BICRA: variants seen among roughly 807,000 people sequenced by gnomAD.
The protein encoded by BICRA is BRD4-interacting chromatin-remodeling complex-associated protein.
A neutral mutation model predicts 96.9 loss-of-function variants in BICRA; 31 were observed. That is an observed-to-expected ratio of 0.32 (90% CI 0.24 to 0.43). The LOEUF (loss-of-function observed/expected upper bound fraction) is 0.43. BICRA is among the 20% of genes least tolerant of loss of function. BICRA has a pLI of 1.00. For synonymous variants in BICRA, 1,350 were observed against 1,071.8 expected (o/e 1.26, Z -5.07); for missense variants, 2,283 against 2,190.3 (o/e 1.04, Z -0.84).
Position 47,701,288 on chromosome 19 carries a change from C to T in BICRA, c.3596-40C>T. ...CCTCCCAGCTCGGTCGGGGGGTCCTCATCCTAACCCCGCGGGTTTTCTTTG... is the reference window on the plus strand; with the variant it reads ...CCTCCCAGCTCGGTCGGGGGGTCCTTATCCTAACCCCGCGGGTTTTCTTTG... On this transcript the variant is annotated intron_variant, in intron 14 of 14. Coordinates refer to ENST00000594866, the MANE Select transcript of BICRA (RefSeq NM_001394372.1). This position sits in a 1 kb window ranked among gnomAD's most constrained non-coding sequence, Gnocchi z 5.4. 1.3e-6 allele frequency: 2 copies of T among 1,495,372 alleles called. No homozygotes were observed. Among genetic ancestry groups the T allele is most frequent in the South Asian group, 1.1e-5 (1 of 87,784 alleles). The allele number at this position is 1,495,372 out of a possible 1,614,324, so 92.6% of individuals were successfully genotyped here.
At chr19:47,645,457 G>A (rs1972445363) in intron 1 of BICRA, among the ~76,000 whole-genome samples, 1 of 152,062 alleles carries the variant, frequency 6.6e-6, no homozygotes, top group Non-Finnish European at 1.5e-5. Flanking sequence ...TCCTTGTTCT[G>A]GCAGGTGGTG....
intron 1 of BICRA, among the ~76,000 whole-genome samples, chr19:47,648,277 C>T (rs1956282234): frequency 6.6e-6 from 1 of 152,116 alleles, no homozygotes; most frequent in East Asian, 1.9e-4. Flanking sequence ...CTCCAGCTGA[C>T]CAATCCCTGG....
chr19:47,670,113 C>T (rs1972841973), intron 1 of BICRA, among the ~76,000 whole-genome samples: 1 of 151,814 alleles, frequency 6.6e-6, no homozygotes, highest in South Asian at 2.1e-4. Context: ...CCATGCCCAG[C>T]CAAAAAACTT....
In BICRA at chr19:47,699,228, G is replaced by C. The variant is rs1226981119; in HGVS notation, c.3493-75G>C. ...CACAAGGACAGTTTGGACCTTGCAC[G>C]CATCGTCCCCGTCGCTCGCGCCCCT... On this transcript the variant is annotated intron_variant, in intron 13 of 14. Transcript: ENST00000594866. The surrounding 1 kb of genome is among the most constrained non-coding windows in gnomAD (Gnocchi z 5.0). The C allele has an allele frequency of 2.2e-6, 2 of 915,932 alleles. No individual in the cohort carries two copies. Among genetic ancestry groups the C allele is most frequent in the Non-Finnish European group, 3.5e-6 (2 of 569,608 alleles). The allele number at this position is 915,932 out of a possible 1,614,324, so 56.7% of individuals were successfully genotyped here.
chr19:47,622,158 G>T (rs969593982), intron 1 of BICRA, among the ~76,000 whole-genome samples: 1 of 151,694 alleles, frequency 6.6e-6, no homozygotes, highest in Non-Finnish European at 1.5e-5. Flanking sequence ...GTAGAGACAG[G>T]TTTCACTATG....
chr19:47,698,480 C>T lies in BICRA; in HGVS notation c.3249-154C>T, dbSNP rs186510710. Among the ~76,000 whole-genome samples, 104 of 152,296 alleles carry T rather than the reference C, an allele frequency of 6.8e-4. No homozygotes were observed. The highest frequency in any genetic ancestry group is 2.3e-3 in the African/African-American group (97 of 41,556). On this transcript the variant is annotated intron_variant, in intron 11 of 14. Transcript: ENST00000594866. The surrounding 1 kb of genome is among the most constrained non-coding windows in gnomAD (Gnocchi z 4.8). ...GGGACTCAGTGAGATGGAACAAGCA[C>T]GTTCAGTACATGGGAACACCACTGC...
Position 47,681,253 on chromosome 19 carries a change from T to A in BICRA, c.2083T>A (p.Ser695Thr). Residue 695 changes from serine (S) to threonine (T), a missense_variant, in exon 6 of 15, where the codon TCC becomes ACC. Physicochemically the swap from Ser to Thr is moderately conservative, Grantham distance 58. Transcript: ENST00000594866. ...ATPTAILTQD[S>T]LQMFLPQERS... ...CCCCACGGCCATCCTCACTCAGGAC[T>A]CCCTGCAGATGTTCCTGCCCCAGGT... 2 of 1,539,316 alleles carry A rather than the reference T, an allele frequency of 1.3e-6. No individual in the cohort carries two copies. Among genetic ancestry groups the A allele is most frequent in the East Asian group, 2.4e-5 (1 of 41,372 alleles).
intron 1 of BICRA, among the ~76,000 whole-genome samples, chr19:47,652,225 A>G (rs968704157): frequency 6.6e-6 from 1 of 152,128 alleles, no homozygotes; most frequent in Admixed American, 6.6e-5. Flanking sequence ...AGACAAGGTC[A>G]CCCAGGCTGG....
intron 7 of BICRA, among the ~76,000 whole-genome samples, chr19:47,689,504 G>A (rs573439458): frequency 1.3e-5 from 2 of 152,168 alleles, no homozygotes; most frequent in South Asian, 2.1e-4. Context: ...TACGCCTGCT[G>A]GGTTCAAGCA....
chr19:47,640,895 ATTTTT>A (rs35232398), intron 1 of BICRA, among the ~76,000 whole-genome samples: 1 of 95,226 alleles, frequency 1.1e-5, no homozygotes, highest in African/African-American at 4.4e-5. Context: ...TCAGAGTCAG[ATTTTT>A]TTTTTTTTTT....
At chr19:47,651,420 G>C (rs1351017716) in intron 1 of BICRA, among the ~76,000 whole-genome samples, 2 of 152,014 alleles carry the variant, frequency 1.3e-5, no homozygotes, top group East Asian at 3.9e-4. Context: ...CCACATTGCT[G>C]CTCCCCTTAC....
intron 1 of BICRA, among the ~76,000 whole-genome samples, chr19:47,656,767 A>C (rs950375834): frequency 6.6e-6 from 1 of 152,148 alleles, no homozygotes; most frequent in Non-Finnish European, 1.5e-5. Flanking sequence ...AGGCTCCCTT[A>C]TAGCCTTTCC....
At position 47,680,544 on chromosome 19, in the gene BICRA, C is replaced by T. The variant is rs1406035769; in HGVS notation, c.1374C>T (p.Ile458=). The part of the protein sequence containing the change: ...SVHLLNQGSS[I]VIPAQHMLPG... Reference sequence around the variant, plus strand: ...ACCTCCTGAACCAAGGCAGCAGCATCGTCATCCCCGCCCAGCACATGCTGC... The same window carrying T: ...ACCTCCTGAACCAAGGCAGCAGCATTGTCATCCCCGCCCAGCACATGCTGC... Residue 458 remains isoleucine, a synonymous_variant, in exon 6 of 15, where the codon ATC becomes ATT. Coordinates refer to ENST00000594866, the MANE Select transcript of BICRA (RefSeq NM_001394372.1). The T allele has an allele frequency of 6.4e-7, 1 of 1,572,022 alleles. No individual in the cohort carries two copies. Among genetic ancestry groups the T allele is most frequent in the African/African-American group, 1.4e-5 (1 of 73,946 alleles).
chr19:47,680,004 C>A lies in BICRA; in HGVS notation c.834C>A (p.Ala278=). The change falls in exon 6 of 15, where the codon GCC becomes GCA. Residue 278 remains alanine, a synonymous_variant. Transcript: ENST00000594866. ...CGGAGCCCGTGACGCTGGCGTCGGC[C>A]GGTGTCTCGCCACAGGGGGCTGGCC... ...GPSEPVTLAS[A]GVSPQGAGLV... 1.3e-6 allele frequency: 2 copies of A among 1,492,722 alleles called. No homozygotes were observed. The highest frequency in any genetic ancestry group is 1.3e-5 in the South Asian group (1 of 77,194). The allele number at this position is 1,492,722 out of a possible 1,614,324, so 92.5% of individuals were successfully genotyped here. A position where few individuals can be genotyped will look rare whatever the true frequency, so the allele number is the denominator to read the frequency against.
chr19:47,647,609 T>C (rs1019879103), intron 1 of BICRA, among the ~76,000 whole-genome samples: 1 of 152,022 alleles, frequency 6.6e-6, no homozygotes, highest in Non-Finnish European at 1.5e-5. Flanking sequence ...GGCTCCTCTC[T>C]CTCCTTGGCA....
At chr19:47,678,153 T>C (rs534043885) in intron 5 of BICRA, among the ~76,000 whole-genome samples, 1 of 152,338 alleles carries the variant, frequency 6.6e-6, no homozygotes, top group East Asian at 1.9e-4. Context: ...TCTCACTCTG[T>C]CACCCAGGCT....
chr19:47,676,554 C>G (rs1229421284), intron 5 of BICRA, among the ~76,000 whole-genome samples: 2 of 115,958 alleles, frequency 1.7e-5, no homozygotes, highest in Non-Finnish European at 3.6e-5. Flanking sequence ...TTTCCTCCCC[C>G]CACCTTCCTT....
intron 1 of BICRA, among the ~76,000 whole-genome samples, chr19:47,609,376 CTT>C (rs774981061): frequency 0.013 from 366 of 27,630 alleles, 4 homozygotes; most frequent in African/African-American, 0.038. Flanking sequence ...CCGCTGCCTC[CTT>C]TTTTTTTTTT....
chr19:47,659,810 C>A (rs1972678699), intron 1 of BICRA, among the ~76,000 whole-genome samples: 1 of 151,916 alleles, frequency 6.6e-6, no homozygotes, highest in Non-Finnish European at 1.5e-5. Flanking sequence ...GGTGCAGTGG[C>A]ATGATCTTGG....
Sources: gnomAD v4.1 joint callset for allele counts (sites outside exome capture counted in the v4.1 genomes callset) on GRCh38, gnomAD v4.1.1 for gene constraint, Gnocchi (gnomAD v3.1) non-coding constraint, MANE v1.5 for transcripts, NCBI Gene and HGNC (gene_info 2026-07-23, HGNC 2026-07-21) for gene names.